FAM169A: variants seen among roughly 807,000 people sequenced by gnomAD.
FAM169A encodes family with sequence similarity 169 member A.
In FAM169A, 24 loss-of-function variants were observed where a neutral mutation model predicts 75.7. The ratio of observed to expected loss-of-function variants is 0.32; its 90% confidence interval spans 0.23 to 0.45. The LOEUF is 0.45. Among genes scored for constraint, FAM169A ranks in the 20% least tolerant of loss-of-function variants. The pLI is 1.00. For synonymous variants in FAM169A, 271 were observed against 271.0 expected (o/e 1.00, Z 0.00); for missense variants, 673 against 784.0 (o/e 0.86, Z 1.69).
chr5:74,850,122 T>A (rs1222269942), intron 1 of FAM169A, among the ~76,000 whole-genome samples: 4 of 152,226 alleles, frequency 2.6e-5, no homozygotes, highest in African/African-American at 9.6e-5. Context: ...GATGTAACTT[T>A]TATCTAAAAC....
chr5:74,855,789 T>C (rs1447751460), intron 1 of FAM169A, among the ~76,000 whole-genome samples: 2 of 152,250 alleles, frequency 1.3e-5, no homozygotes, highest in Non-Finnish European at 2.9e-5. Flanking sequence ...TAACTTGACA[T>C]GATCCCACTT....
At chr5:74,834,840 C>T (rs1993372) in intron 4 of FAM169A, among the ~76,000 whole-genome samples, 1 of 151,828 alleles carries the variant, frequency 6.6e-6, no homozygotes, top group Admixed American at 6.6e-5. Flanking sequence ...AATTCTAAAT[C>T]GGGCAAAAAA....
At chr5:74,856,614 A>C (rs1205372053) in intron 1 of FAM169A, among the ~76,000 whole-genome samples, 3 of 152,028 alleles carry the variant, frequency 2.0e-5, no homozygotes, top group African/African-American at 7.2e-5. Flanking sequence ...ATAGTTTTTT[A>C]ATCATCCATT....
intron 1 of FAM169A, among the ~76,000 whole-genome samples, chr5:74,855,202 T>G (rs1749646561): frequency 6.6e-6 from 1 of 152,174 alleles, no homozygotes; most frequent in African/African-American, 2.4e-5. Flanking sequence ...TGTTGGCTTT[T>G]GCTTTTGTTT....
Position 74,781,475 on chromosome 5 carries a change from T to C in FAM169A, c.1998A>G (p.Lys666=). The stretch of plus-strand genomic sequence containing the variant: ...TCTTCTTCCTTCAGGTCAGCTTAGC[T>C]TTCTTCTTAGCAGGTCCTTTATGCC... ...AKGHKGPAKK[K]AKLT The change falls in exon 13 of 13, where the codon AAA becomes AAG. Residue 666 remains lysine, a synonymous_variant. Coordinates refer to ENST00000687041, the MANE Select transcript of FAM169A (RefSeq NM_001376049.1). 1 of 1,613,650 alleles carries C rather than the reference T, an allele frequency of 6.2e-7. No individual in the cohort carries two copies. Among genetic ancestry groups the C allele is most frequent in the South Asian group, 1.1e-5 (1 of 91,068 alleles).
chr5:74,802,040 T>C (rs1561296386), intron 8 of FAM169A, among the ~76,000 whole-genome samples: 1 of 152,184 alleles, frequency 6.6e-6, no homozygotes, highest in Non-Finnish European at 1.5e-5. Flanking sequence ...AATTTCACAC[T>C]CAATCATTCC....
intron 11 of FAM169A, among the ~76,000 whole-genome samples, chr5:74,789,106 A>C (rs2112479660): frequency 6.6e-6 from 1 of 152,310 alleles, no homozygotes; most frequent in Middle Eastern, 3.4e-3. Context: ...GGGGTATATC[A>C]ACTCTCCAGA....
chr5:74,836,943 C>CAA (rs34901874), intron 4 of FAM169A, among the ~76,000 whole-genome samples: 1 of 133,008 alleles, frequency 7.5e-6, no homozygotes. Context: ...AAGCCTGTGT[C>CAA]AAAAAAAAAA....
At chr5:74,836,016 G>A (rs1046656580) in intron 4 of FAM169A, among the ~76,000 whole-genome samples, 4 of 152,154 alleles carry the variant, frequency 2.6e-5, no homozygotes, top group Non-Finnish European at 4.4e-5. Flanking sequence ...ACAATTTGGG[G>A]TACTCTTGCC....
Position 74,781,967 on chromosome 5 carries a change from G to A in FAM169A, c.1506C>T (p.Gly502=). 6.2e-7 allele frequency: 1 copy of A among 1,613,650 alleles called. No homozygotes were observed. The highest frequency in any genetic ancestry group is 1.1e-5 in the South Asian group (1 of 91,070). The part of the protein sequence containing the change: ...IPDSEMLMDE[G]TSDEKGHMEE... ...CCATGTGCCCCTTTTCATCAGATGT[G>A]CCTTCATCCATCAACATTTCTGAGT... Residue 502 remains glycine (G), a synonymous_variant, in exon 13 of 13, where the codon GGC becomes GGT. Transcript: ENST00000687041.
At position 74,782,375 on chromosome 5, in the gene FAM169A, C is replaced by T. The variant is rs571201701; in HGVS notation, c.1465-367G>A. Among the ~76,000 whole-genome samples the T allele has an allele frequency of 8.5e-5, 13 of 152,264 alleles. No individual in the cohort carries two copies. The East Asian group carries it at 2.3e-3, about 27-fold the overall frequency. ...CAGAACCAAAAATACCTTGGGACTT[C>T]ACTGCGCTACCACACTACGTTTGAC... is the stretch of plus-strand genomic sequence containing the variant. On this transcript the variant is annotated intron_variant, in intron 12 of 12. Coordinates refer to ENST00000687041, the MANE Select transcript of FAM169A (RefSeq NM_001376049.1).
chr5:74,838,939 C>T, intron 4 of FAM169A, 26 bp downstream of exon 4: 2 of 1,523,764 alleles, frequency 1.3e-6, no homozygotes, highest in Non-Finnish European at 1.8e-6. Context: ...TCAAAAGAAA[C>T]ACTCAAAATT....
At chr5:74,796,275 G>T in intron 10 of FAM169A, 89 bp from the exon 11 acceptor site, 1 of 1,189,806 alleles carries the variant, frequency 8.4e-7, no homozygotes, top group Non-Finnish European at 1.2e-6. Flanking sequence ...ACATTTTAGA[G>T]AATCAACTAT....
intron 10 of FAM169A, among the ~76,000 whole-genome samples, chr5:74,796,720 T>C (rs988015276): frequency 1.2e-4 from 19 of 152,036 alleles, no homozygotes; most frequent in Non-Finnish European, 2.1e-4. Flanking sequence ...TTTTTTTTTT[T>C]TTTAACCTCA....
chr5:74,801,984 C>T (rs1263530816), intron 8 of FAM169A, among the ~76,000 whole-genome samples: 1 of 151,454 alleles, frequency 6.6e-6, no homozygotes, highest in Non-Finnish European at 1.5e-5. Context: ...TCCTGATTTC[C>T]AAAGCTTTAT....
At chr5:74,796,983 T>C (rs1342116546) in intron 10 of FAM169A, among the ~76,000 whole-genome samples, 1 of 152,128 alleles carries the variant, frequency 6.6e-6, no homozygotes, top group African/African-American at 2.4e-5. Flanking sequence ...CAGGCCCCAG[T>C]TCTCTCTGGA....
At chr5:74,799,801 T>C in intron 10 of FAM169A, 1 of 1,089,860 alleles carries the variant, frequency 9.2e-7, no homozygotes, top group Non-Finnish European at 1.4e-6. Context: ...TGCTGACCAA[T>C]GCTCTTGAAC....
intron 5 of FAM169A, among the ~76,000 whole-genome samples, chr5:74,833,715 C>T (rs1748432311): frequency 1.3e-5 from 2 of 152,104 alleles, no homozygotes; most frequent in Non-Finnish European, 2.9e-5. Context: ...GGTCAAGGTA[C>T]AAAACAAGGC....
At chr5:74,820,865 C>A (rs747946625) in intron 5 of FAM169A, among the ~76,000 whole-genome samples, 3 of 152,152 alleles carry the variant, frequency 2.0e-5, no homozygotes, top group Non-Finnish European at 2.9e-5. Context: ...ACAGTCCCTG[C>A]CTCTCTCCTA....
Sources: gnomAD v4.1 joint callset for allele counts (sites outside exome capture counted in the v4.1 genomes callset) on GRCh38, gnomAD v4.1.1 for gene constraint, MANE v1.5 for transcripts, NCBI Gene and HGNC (gene_info 2026-07-23, HGNC 2026-07-21) for gene names.